RGS7: variants seen among roughly 807,000 people sequenced by gnomAD.
The protein encoded by RGS7 is regulator of G-protein signaling 7.
RGS7 carries 27 observed loss-of-function variants against 81.1 expected under a neutral mutation model. The observed-to-expected ratio is 0.33, with a 90% CI of 0.25 to 0.46. RGS7 has a LOEUF of 0.46. RGS7 is among the 20% of genes least tolerant of loss of function. RGS7 has a pLI of 1.00. For missense variants in RGS7, 396 were observed against 607.4 expected, an observed-to-expected ratio of 0.65 and a Z score of 3.66; for synonymous variants, 208 against 207.7, an observed-to-expected ratio of 1.00 and a Z score of -0.01.
At chr1:240,893,596 G>A (rs1315365333) in intron 6 of RGS7, among the ~76,000 whole-genome samples, 1 of 149,950 alleles carries the variant, frequency 6.7e-6, no homozygotes, top group African/African-American at 2.5e-5. Context: ...TGCTTAGAAA[G>A]ACTGCATTAA....
At chr1:241,350,460 C>A (rs937133124) in intron 2 of RGS7, among the ~76,000 whole-genome samples, 15 of 152,302 alleles carry the variant, frequency 9.8e-5, no homozygotes, top group Middle Eastern at 6.8e-3. Flanking sequence ...ATTTAGAAAT[C>A]TGAGGGCTTA....
chr1:241,280,665 TTTTG>T (rs1239826477), intron 2 of RGS7, among the ~76,000 whole-genome samples: 2 of 152,120 alleles, frequency 1.3e-5, no homozygotes, highest in African/African-American at 2.4e-5. Flanking sequence ...GCTCGGCTAT[TTTTG>T]TTTGTTTGTT....
chr1:240,970,422 G>A (rs753159860), intron 4 of RGS7, among the ~76,000 whole-genome samples: 5 of 152,286 alleles, frequency 3.3e-5, no homozygotes, highest in East Asian at 1.9e-4. Context: ...ACAGTCACTC[G>A]TTGCATTACA....
chr1:241,120,411 T>G (rs10127501), intron 2 of RGS7, among the ~76,000 whole-genome samples: 152,155 of 152,308 alleles, frequency 1, 76,001 homozygotes, highest in Middle Eastern at 1. Flanking sequence ...GCAGTGGCAC[T>G]ATCACAGTTC....
chr1:241,334,048 T>A (rs1301345640), intron 2 of RGS7, among the ~76,000 whole-genome samples: 1 of 146,448 alleles, frequency 6.8e-6, no homozygotes, highest in Non-Finnish European at 1.5e-5. Flanking sequence ...ATATAGTATA[T>A]ACATACATAT....
chr1:241,094,609 CAAAACAAAAACA>C (rs3078666), intron 3 of RGS7, among the ~76,000 whole-genome samples: 61 of 151,656 alleles, frequency 4.0e-4, no homozygotes, highest in Non-Finnish European at 7.8e-4. Context: ...ACTCTAAAAC[CAAAACAAAAACA>C]AAAACAAAAA....
chr1:241,031,191 T>C (rs1001237199), intron 3 of RGS7, among the ~76,000 whole-genome samples: 1 of 152,194 alleles, frequency 6.6e-6, no homozygotes, highest in Admixed American at 6.5e-5. Flanking sequence ...ACTGTTTTGC[T>C]CCTACTTACA....
chr1:241,028,680 C>CG (rs2059914415), intron 3 of RGS7, among the ~76,000 whole-genome samples: 1 of 152,020 alleles, frequency 6.6e-6, no homozygotes, highest in African/African-American at 2.4e-5. Flanking sequence ...CCCAGGGAGG[C>CG]GCAGGGACTG....
intron 2 of RGS7, among the ~76,000 whole-genome samples, chr1:241,120,509 G>C (rs1404605773): frequency 1.3e-5 from 2 of 151,968 alleles, no homozygotes; most frequent in Non-Finnish European, 2.9e-5. Context: ...CACCACGCCT[G>C]GCTAATTTTT....
chr1:240,999,686 T>C (rs546310184), intron 3 of RGS7, among the ~76,000 whole-genome samples: 1 of 152,222 alleles, frequency 6.6e-6, no homozygotes, highest in East Asian at 1.9e-4. Context: ...GTGCAACATC[T>C]ACCTCCCAGG....
At chr1:240,989,872 G>T (rs1207151003) in intron 3 of RGS7, among the ~76,000 whole-genome samples, 1 of 152,122 alleles carries the variant, frequency 6.6e-6, no homozygotes, top group Non-Finnish European at 1.5e-5. Context: ...AAAGGGAAAG[G>T]ATGTATTTAG....
chr1:241,133,117 T>C (rs1240986885), intron 2 of RGS7, among the ~76,000 whole-genome samples: 1 of 152,102 alleles, frequency 6.6e-6, no homozygotes, highest in Non-Finnish European at 1.5e-5. Flanking sequence ...TGAAAAATTG[T>C]GATATAATTG....
At chr1:240,947,896 TC>T (rs1391340874) in intron 4 of RGS7, among the ~76,000 whole-genome samples, 11 of 152,226 alleles carry the variant, frequency 7.2e-5, no homozygotes, top group African/African-American at 1.7e-4. Flanking sequence ...TCTTTACATA[TC>T]CTCCTCTAGT....
intron 4 of RGS7, among the ~76,000 whole-genome samples, chr1:240,980,422 C>T (rs570752886): frequency 6.6e-6 from 1 of 152,236 alleles, no homozygotes; most frequent in African/African-American, 2.4e-5. Context: ...TCAAACCATC[C>T]CTAGAGATCT....
intron 2 of RGS7, among the ~76,000 whole-genome samples, chr1:241,170,505 C>A (rs1318947176): frequency 6.6e-6 from 1 of 152,130 alleles, no homozygotes; most frequent in African/African-American, 2.4e-5. Flanking sequence ...AGAAAGAAGG[C>A]CTGCAAATCT....
intron 4 of RGS7, among the ~76,000 whole-genome samples, chr1:240,949,702 G>A (rs1167131745): frequency 1.3e-5 from 2 of 152,036 alleles, no homozygotes; most frequent in Non-Finnish European, 2.9e-5. Flanking sequence ...ACAAAAATTA[G>A]CAGGGCGTGG....
intron 2 of RGS7, among the ~76,000 whole-genome samples, chr1:241,320,702 C>T (rs759352880): frequency 1.3e-5 from 2 of 152,178 alleles, no homozygotes; most frequent in Non-Finnish European, 2.9e-5. Flanking sequence ...AAAGGAGGAA[C>T]AGTGCTTCTT....
At chr1:240,829,192 G>A (rs1185158406) in intron 9 of RGS7, among the ~76,000 whole-genome samples, 3 of 151,920 alleles carry the variant, frequency 2.0e-5, no homozygotes, top group African/African-American at 7.3e-5. Flanking sequence ...CACACACACT[G>A]TACTACAAAC....
chr1:240,928,644 T>TGTCATCCAGGCTAGAGTGCA (rs1674890933), intron 6 of RGS7, among the ~76,000 whole-genome samples: 1 of 150,844 alleles, frequency 6.6e-6, no homozygotes, highest in South Asian at 2.1e-4. Context: ...AGTCTCACTC[T>TGTCATCCAGGCTAGAGTGCA]GTCATCCAGG....
Sources: allele counts gnomAD v4.1 joint callset (sites outside exome capture counted in the v4.1 genomes callset), GRCh38; gene constraint gnomAD v4.1.1; transcripts MANE v1.5; gene names NCBI Gene and HGNC (gene_info 2026-07-23, HGNC 2026-07-21).